The following ST8SIA1 variants were observed in gnomAD, a reference collection of about 807,000 sequenced individuals.
ST8SIA1 encodes alpha-N-acetylneuraminide alpha-2,8-sialyltransferase.
In ST8SIA1, 16 loss-of-function variants were observed where a neutral mutation model predicts 35.9. That is an observed-to-expected ratio of 0.45 (90% CI 0.30 to 0.68). The LOEUF (loss-of-function observed/expected upper bound fraction) is 0.68. Ranked by LOEUF, ST8SIA1 falls within the 30% of genes least tolerant of loss-of-function variation. The pLI, the probability that ST8SIA1 is intolerant of heterozygous loss-of-function variation, is 0.09. For synonymous variants in ST8SIA1, 170 were observed against 169.6 expected (o/e 1.00, Z -0.02); for missense variants, 383 against 453.6 (o/e 0.84, Z 1.41).
intron 1 of ST8SIA1, among the ~76,000 whole-genome samples, chr12:22,288,264 G>A (rs141260166): frequency 6.6e-6 from 1 of 152,278 alleles, no homozygotes; most frequent in Non-Finnish European, 1.5e-5. Flanking sequence ...ACCCAGAAAC[G>A]CTTGCTCAGA....
At chr12:22,297,620 A>G (rs1866261669) in intron 1 of ST8SIA1, among the ~76,000 whole-genome samples, 1 of 152,098 alleles carries the variant, frequency 6.6e-6, no homozygotes, top group Admixed American at 6.6e-5. Context: ...GTCTCTCTTT[A>G]CTCAGCACAG....
intron 2 of ST8SIA1, among the ~76,000 whole-genome samples, chr12:22,265,477 C>T (rs1591838911): frequency 1.3e-5 from 2 of 152,198 alleles, no homozygotes; most frequent in Admixed American, 1.3e-4. Context: ...CCAGTCCCTG[C>T]TGTTAATGTT....
intron 2 of ST8SIA1, among the ~76,000 whole-genome samples, chr12:22,260,867 AGTT>A (rs1394062028): frequency 4.7e-4 from 66 of 140,022 alleles, no homozygotes; most frequent in South Asian, 9.2e-4. Flanking sequence ...AGATTTATAT[AGTT>A]GTTGTTTTTT....
intron 4 of ST8SIA1, among the ~76,000 whole-genome samples, chr12:22,241,789 G>A (rs1865544138): frequency 6.6e-6 from 1 of 151,900 alleles, no homozygotes; most frequent in Non-Finnish European, 1.5e-5. Flanking sequence ...CAACTTCAGG[G>A]TTTGAGGCCA....
rs545264288 is a variant in ST8SIA1 at position 22,226,112 on chromosome 12, A to G, written c.584+22894T>C. On this transcript the variant is annotated intron_variant, in intron 4 of 4. Transcript: ENST00000396037. ...CAGCTGTAGTGCATATTCATAATAC[A>G]TATGTATATAGTACATATTTTATAC... Among the ~76,000 whole-genome samples, 12 of 152,366 alleles carry G rather than the reference A, an allele frequency of 7.9e-5. No homozygotes were observed. The East Asian group carries it at 1.7e-3, about 22-fold the overall frequency.
chr12:22,195,209 A>AAAAAAG lies in ST8SIA1; in HGVS notation c.*6342_*6343insCTTTTT, dbSNP rs1555151635. On this transcript the variant is annotated 3_prime_UTR_variant, in exon 5 of 5. Transcript: ENST00000396037. The stretch of plus-strand genomic sequence containing the variant: ...TCAACAAAAAAAAAAAAAAAAAAAA[A>AAAAAAG]AAAGAAAGAAAGAAAGAAAGGAAAA... 3 of 148,748 alleles carry AAAAAAG rather than the reference A, an allele frequency of 2.0e-5. No homozygotes were observed. The highest frequency in any genetic ancestry group is 7.4e-5 in the African/African-American group (3 of 40,276). The allele number at this position is 148,748 out of a possible 1,614,324, so 9.2% of individuals were successfully genotyped here.
At chr12:22,234,568 G>A (rs1019184021) in intron 4 of ST8SIA1, among the ~76,000 whole-genome samples, 1 of 152,124 alleles carries the variant, frequency 6.6e-6, no homozygotes, top group African/African-American at 2.4e-5. Context: ...TTTCTCTGAA[G>A]TAATCTGCTT....
At chr12:22,265,622 T>TTA (rs996964733) in intron 2 of ST8SIA1, among the ~76,000 whole-genome samples, 1 of 152,192 alleles carries the variant, frequency 6.6e-6, no homozygotes, top group African/African-American at 2.4e-5. Flanking sequence ...TCAATAATTG[T>TTA]TATTTTTATC....
At chr12:22,269,968 T>TC (rs1409376958) in intron 2 of ST8SIA1, among the ~76,000 whole-genome samples, 2 of 152,190 alleles carry the variant, frequency 1.3e-5, no homozygotes, top group Non-Finnish European at 2.9e-5. Flanking sequence ...ACTGAGTAAG[T>TC]CTCCATCCGT....
At chr12:22,220,685 T>C (rs1865287644) in intron 4 of ST8SIA1, among the ~76,000 whole-genome samples, 1 of 152,218 alleles carries the variant, frequency 6.6e-6, no homozygotes. Flanking sequence ...GGGGCAAATA[T>C]TTCATTCATT....
At chr12:22,232,826 T>C (rs1163708458) in intron 4 of ST8SIA1, among the ~76,000 whole-genome samples, 1 of 151,692 alleles carries the variant, frequency 6.6e-6, no homozygotes, top group Non-Finnish European at 1.5e-5. Context: ...TGACAGAGAC[T>C]CTGCCTCAAA....
At chr12:22,283,147 T>A (rs1302701271) in intron 2 of ST8SIA1, among the ~76,000 whole-genome samples, 1 of 152,088 alleles carries the variant, frequency 6.6e-6, no homozygotes, top group Non-Finnish European at 1.5e-5. Flanking sequence ...GAAATGAGTG[T>A]CTATGTGGGG....
chr12:22,333,927 C>T, intron 1 of ST8SIA1, 70 bp downstream of exon 1: 1 of 1,385,540 alleles, frequency 7.2e-7, no homozygotes, highest in East Asian at 2.3e-5. Flanking sequence ...CGGTCCTCGC[C>T]GGTGACCCTG....
chr12:22,314,507 T>G (rs868411479), intron 1 of ST8SIA1, among the ~76,000 whole-genome samples: 2 of 151,848 alleles, frequency 1.3e-5, no homozygotes, highest in Admixed American at 6.6e-5. Context: ...AAAGAAAAAT[T>G]TAAAGAAAAA....
intron 1 of ST8SIA1, among the ~76,000 whole-genome samples, chr12:22,315,558 T>A (rs868120901): frequency 2.0e-5 from 3 of 152,214 alleles, no homozygotes; most frequent in Non-Finnish European, 1.5e-5. Context: ...CCTAAAATAA[T>A]GACATTTCCA....
chr12:22,255,178 T>G, intron 3 of ST8SIA1, 102 bp downstream of exon 3: 1 of 910,598 alleles, frequency 1.1e-6, no homozygotes, highest in Non-Finnish European at 1.8e-6. Flanking sequence ...GTGCTACAAC[T>G]GATTCATCAC....
At chr12:22,202,343 G>A (rs531169292) in intron 4 of ST8SIA1, among the ~76,000 whole-genome samples, 1 of 152,096 alleles carries the variant, frequency 6.6e-6, no homozygotes, top group Non-Finnish European at 1.5e-5. Context: ...ATGGAAAACG[G>A]TTTAATTCTC....
At chr12:22,310,865 G>C (rs1866440623) in intron 1 of ST8SIA1, among the ~76,000 whole-genome samples, 3 of 152,140 alleles carry the variant, frequency 2.0e-5, no homozygotes, top group Admixed American at 2.0e-4. Flanking sequence ...GAAGAGCTGA[G>C]ACACGCATTA....
At chr12:22,202,221 A>G (rs1345290360) in intron 4 of ST8SIA1, among the ~76,000 whole-genome samples, 183 bp from the exon 5 acceptor site, 2 of 152,158 alleles carry the variant, frequency 1.3e-5, no homozygotes, top group Non-Finnish European at 2.9e-5. Flanking sequence ...AAATAGCCTG[A>G]CTTTTTCCCT....
Sources: allele counts gnomAD v4.1 joint callset (sites outside exome capture counted in the v4.1 genomes callset), GRCh38; gene constraint gnomAD v4.1.1; transcripts MANE v1.5; gene names NCBI Gene and HGNC (gene_info 2026-07-23, HGNC 2026-07-21).